Variants in GRID1 observed in about 807,000 individuals in gnomAD.
The protein encoded by GRID1 is glutamate receptor ionotropic, delta-1.
Under a neutral mutation model 98.0 loss-of-function variants are expected in GRID1, and 28 were observed. That is an observed-to-expected ratio of 0.29 (90% CI 0.21 to 0.39). The LOEUF (loss-of-function observed/expected upper bound fraction) is 0.39. Among genes scored for constraint, GRID1 ranks in the 10% least tolerant of loss-of-function variants. The pLI is 1.00. For missense variants in GRID1, 1,111 were observed against 1,340.5 expected (o/e 0.83, Z 2.67); for synonymous variants, 553 against 538.5 (o/e 1.03, Z -0.37).
At chr10:86,136,487 C>A (rs1317627333) in intron 4 of GRID1, among the ~76,000 whole-genome samples, 1 of 152,156 alleles carries the variant, frequency 6.6e-6, no homozygotes, top group East Asian at 1.9e-4. Context: ...GGACTTGAAT[C>A]CTGTTCAATG....
chr10:86,243,980 C>T (rs1564717002), intron 2 of GRID1, among the ~76,000 whole-genome samples: 1 of 152,218 alleles, frequency 6.6e-6, no homozygotes. Flanking sequence ...CACACGTGTG[C>T]TTGTGTGCAC....
Position 86,014,291 on chromosome 10 carries a change from G to A in GRID1, c.727-98052C>T, listed in dbSNP as rs150561538. On this transcript the variant is annotated intron_variant, in intron 4 of 15. Transcript: ENST00000327946. ...CTATTCTCATTTTTCAAATTGGGCCGTTCCTGACTTTCTAACAGACTTAGG... is the reference window on the plus strand; with the variant it reads ...CTATTCTCATTTTTCAAATTGGGCCATTCCTGACTTTCTAACAGACTTAGG... 4.4e-3 allele frequency among the ~76,000 whole-genome samples: 670 copies of A among 152,268 alleles called. 6 individuals carry two copies. The highest frequency in any genetic ancestry group is 0.016 in the African/African-American group (649 of 41,532).
chr10:85,905,750 T>A (rs1051311967), intron 5 of GRID1, among the ~76,000 whole-genome samples: 1 of 152,070 alleles, frequency 6.6e-6, no homozygotes, highest in African/African-American at 2.4e-5. Flanking sequence ...TAAACTTTTT[T>A]AAAAGAGTTA....
chr10:86,224,846 G>C (rs1452585827), intron 2 of GRID1, among the ~76,000 whole-genome samples: 1 of 152,172 alleles, frequency 6.6e-6, no homozygotes, highest in Non-Finnish European at 1.5e-5. Context: ...AAGCCCTTGA[G>C]ATTTTCCCAC....
chr10:85,810,859 C>T (rs945208321), intron 8 of GRID1, among the ~76,000 whole-genome samples: 12 of 152,280 alleles, frequency 7.9e-5, no homozygotes, highest in South Asian at 4.1e-4. Flanking sequence ...ACAGGCATGA[C>T]TCATGTCTCC....
Position 85,696,939 on chromosome 10 carries a change from ATTGT to A in GRID1, c.1997+26060_1997+26063del, listed in dbSNP as rs552158489. ...GTTATATTTCCTGTGAAGTTTCTAG[ATTGT>A]TTATTTTTATTGATTTTTAAAGTAA... On this transcript the variant is annotated intron_variant, in intron 12 of 15. Transcript: ENST00000327946. Among the ~76,000 whole-genome samples the A allele has an allele frequency of 9.5e-4, 145 of 151,940 alleles. 2 individuals are homozygous for A. The highest frequency in any genetic ancestry group is 1.8e-3 in the Non-Finnish European group (120 of 67,912).
At chr10:85,727,792 T>G in intron 10 of GRID1, 63 bp downstream of exon 10, 2 of 1,284,284 alleles carry the variant, frequency 1.6e-6, no homozygotes, top group Non-Finnish European at 2.3e-6. Flanking sequence ...TTGGTCAAGT[T>G]TAGATATTAC....
chr10:85,733,609 C>T lies in GRID1; in HGVS notation c.1234-3995G>A, dbSNP rs76098337. 1.8e-4 allele frequency among the ~76,000 whole-genome samples: 28 copies of T among 152,254 alleles called. No individual in the cohort carries two copies. The East Asian group carries it at 4.2e-3, about 23-fold the overall frequency. ...CAGAAAAATGTGTTGAGATTACAGGCGTGAGCCACTGTGCCCAGCTGATTC... is the reference window on the plus strand; with the variant it reads ...CAGAAAAATGTGTTGAGATTACAGGTGTGAGCCACTGTGCCCAGCTGATTC... On this transcript the variant is annotated intron_variant, in intron 8 of 15. Coordinates refer to ENST00000327946, the MANE Select transcript of GRID1 (RefSeq NM_017551.3).
Position 86,313,182 on chromosome 10 carries a change from T to C in GRID1, c.235+50759A>G, listed in dbSNP as rs141116433. 2.6e-3 allele frequency among the ~76,000 whole-genome samples: 398 copies of C among 152,344 alleles called. 2 individuals carry two copies. The highest frequency in any genetic ancestry group is 9.2e-3 in the African/African-American group (382 of 41,574). ...CAGTGGGGAAAGGGGGATCAGAAGC[T>C]GGAACTTGGCAAGCTCTGTTTAATT... On this transcript the variant is annotated intron_variant, in intron 2 of 15. Coordinates refer to ENST00000327946, the MANE Select transcript of GRID1 (RefSeq NM_017551.3).
intron 2 of GRID1, among the ~76,000 whole-genome samples, chr10:86,336,848 A>ATTT (rs4030750): frequency 0.034 from 4,921 of 143,864 alleles, 177 homozygotes; most frequent in African/African-American, 0.076. Context: ...CTGGCCCACT[A>ATTT]TTTTTTTTTT....
At chr10:86,128,551 T>C (rs941788520) in intron 4 of GRID1, among the ~76,000 whole-genome samples, 2 of 152,102 alleles carry the variant, frequency 1.3e-5, no homozygotes, top group East Asian at 1.9e-4. Flanking sequence ...AGTAATGCAC[T>C]GGGGAGAGGG....
At chr10:86,348,035 G>A (rs1191857772) in intron 2 of GRID1, among the ~76,000 whole-genome samples, 1 of 152,178 alleles carries the variant, frequency 6.6e-6, no homozygotes, top group Non-Finnish European at 1.5e-5. Context: ...GGACTCTCTG[G>A]GAAGATGACC....
intron 6 of GRID1, among the ~76,000 whole-genome samples, chr10:85,864,947 T>C (rs1450656779): frequency 6.6e-6 from 1 of 152,064 alleles, no homozygotes; most frequent in Admixed American, 6.5e-5. Context: ...CATTTGAATA[T>C]AAATGGGGGG....
chr10:85,887,047 G>A (rs918233611), intron 5 of GRID1, among the ~76,000 whole-genome samples: 1 of 152,174 alleles, frequency 6.6e-6, no homozygotes, highest in Admixed American at 6.5e-5. Flanking sequence ...AGTAATCTAA[G>A]TTGATGACAG....
At chr10:86,339,990 G>A (rs1298791938) in intron 2 of GRID1, among the ~76,000 whole-genome samples, 1 of 152,192 alleles carries the variant, frequency 6.6e-6, no homozygotes, top group African/African-American at 2.4e-5. Context: ...GGGCGGCAGT[G>A]GGGTGGGGAG....
chr10:86,011,107 C>A (rs1235604194), intron 4 of GRID1, among the ~76,000 whole-genome samples: 1 of 151,870 alleles, frequency 6.6e-6, no homozygotes, highest in African/African-American at 2.4e-5. Flanking sequence ...GTGAGGATTA[C>A]TTAATAGCCG....
intron 12 of GRID1, among the ~76,000 whole-genome samples, chr10:85,681,365 A>C (rs1370623168): frequency 6.6e-6 from 1 of 151,520 alleles, no homozygotes; most frequent in South Asian, 2.1e-4. Flanking sequence ...AACAACACCT[A>C]TGAAGCAGAT....
intron 8 of GRID1, among the ~76,000 whole-genome samples, chr10:85,797,073 T>C (rs1047936250): frequency 2.0e-5 from 3 of 151,990 alleles, no homozygotes; most frequent in African/African-American, 4.8e-5. Flanking sequence ...CACTCCCAAA[T>C]GGAAAGGATA....
At chr10:86,067,645 C>T (rs183916614) in intron 4 of GRID1, among the ~76,000 whole-genome samples, 4 of 152,350 alleles carry the variant, frequency 2.6e-5, no homozygotes, top group South Asian at 2.1e-4. Context: ...CCATCCCCAG[C>T]GGCTGGGGCA....
Sources: gnomAD v4.1 joint callset for allele counts (sites outside exome capture counted in the v4.1 genomes callset) on GRCh38, gnomAD v4.1.1 for gene constraint, MANE v1.5 for transcripts, NCBI Gene and HGNC (gene_info 2026-07-23, HGNC 2026-07-21) for gene names.